The following SORCS1 variants were observed in gnomAD, a reference collection of about 807,000 sequenced individuals.
SORCS1 encodes the protein sortilin related VPS10 domain containing receptor 1.
In SORCS1, 60 loss-of-function variants were observed where a neutral mutation model predicts 146.1. The observed-to-expected ratio is 0.41, with a 90% CI of 0.33 to 0.51. SORCS1 has a LOEUF of 0.51. Among genes scored for constraint, SORCS1 ranks in the 20% least tolerant of loss-of-function variants. The probability of loss-of-function intolerance (pLI) is 0.21; values close to 1 mark genes in which losing one functional copy is unlikely to be tolerated. For missense variants in SORCS1, 1,352 were observed against 1,487.6 expected, an observed-to-expected ratio of 0.91 and a Z score of 1.50; for synonymous variants, 637 against 584.0, an observed-to-expected ratio of 1.09 and a Z score of -1.31.
At chr10:106,841,241 G>A (rs1433449810) in intron 2 of SORCS1, among the ~76,000 whole-genome samples, 4 of 152,122 alleles carry the variant, frequency 2.6e-5, no homozygotes, top group African/African-American at 9.7e-5. Context: ...AGGCTGAGGA[G>A]GGCAGATCAC....
At chr10:106,720,903 C>T (rs1183774575) in intron 6 of SORCS1, among the ~76,000 whole-genome samples, 2 of 151,934 alleles carry the variant, frequency 1.3e-5, no homozygotes, top group African/African-American at 4.8e-5. Context: ...CTGTCACTAT[C>T]AGGCTTTTCA....
At chr10:106,924,461 T>TTATC (rs570328127) in intron 2 of SORCS1, among the ~76,000 whole-genome samples, 8,196 of 125,624 alleles carry the variant, frequency 0.065, 259 homozygotes, top group Non-Finnish European at 0.086. Context: ...AATTCCACAG[T>TTATC]TATCGATCTA....
chr10:106,911,842 G>A (rs1316871756), intron 2 of SORCS1, among the ~76,000 whole-genome samples: 9 of 152,162 alleles, frequency 5.9e-5, no homozygotes, highest in Non-Finnish European at 1.2e-4. Flanking sequence ...ACTGGGTGTG[G>A]TGGCTCACGC....
chr10:107,084,092 G>GTTT (rs34590427), intron 1 of SORCS1, among the ~76,000 whole-genome samples: 21 of 113,772 alleles, frequency 1.8e-4, no homozygotes, highest in South Asian at 5.8e-4. Flanking sequence ...GTTGTTTTTT[G>GTTT]TTTTTTTTTT....
chr10:106,672,179 A>T (rs552705137), intron 15 of SORCS1, among the ~76,000 whole-genome samples: 9 of 152,320 alleles, frequency 5.9e-5, no homozygotes, highest in South Asian at 4.1e-4. Flanking sequence ...GGTTTGAGGT[A>T]TATGACGTTT....
intron 3 of SORCS1, among the ~76,000 whole-genome samples, chr10:106,801,814 G>A (rs1450352369): frequency 6.6e-6 from 1 of 152,136 alleles, no homozygotes; most frequent in Non-Finnish European, 1.5e-5. Flanking sequence ...ACAGGCGTGA[G>A]CCACCGTGCC....
chr10:106,617,627 C>T (rs1006503273), intron 21 of SORCS1, among the ~76,000 whole-genome samples: 1 of 152,106 alleles, frequency 6.6e-6, no homozygotes, highest in Non-Finnish European at 1.5e-5. Context: ...GCCATTTGTT[C>T]AAATATCCCG....
intron 2 of SORCS1, among the ~76,000 whole-genome samples, chr10:106,948,707 C>A (rs1317856288): frequency 2.0e-5 from 3 of 151,796 alleles, no homozygotes; most frequent in Admixed American, 2.0e-4. Flanking sequence ...CGCCTGTAAT[C>A]CCAGCACTTT....
At chr10:106,902,509 T>C (rs953553512) in intron 2 of SORCS1, among the ~76,000 whole-genome samples, 15 of 151,984 alleles carry the variant, frequency 9.9e-5, no homozygotes, top group Admixed American at 2.0e-4. Context: ...CATGAGAAAA[T>C]AATATAGAGA....
chr10:106,818,459 A>G (rs1347170695), intron 3 of SORCS1, among the ~76,000 whole-genome samples: 1 of 151,132 alleles, frequency 6.6e-6, no homozygotes, highest in African/African-American at 2.4e-5. Flanking sequence ...TCCACCTCCC[A>G]GGTTCAAGTG....
At chr10:106,840,140 C>T (rs1286109058) in intron 2 of SORCS1, among the ~76,000 whole-genome samples, 3 of 152,138 alleles carry the variant, frequency 2.0e-5, no homozygotes, top group African/African-American at 7.2e-5. Context: ...TGTAAGGCTA[C>T]AGCTTCCATA....
At chr10:106,900,420 A>G (rs1450832793) in intron 2 of SORCS1, among the ~76,000 whole-genome samples, 1 of 152,186 alleles carries the variant, frequency 6.6e-6, no homozygotes, top group Non-Finnish European at 1.5e-5. Context: ...CTCTAGTTGC[A>G]AGAGTCTCGC....
intron 18 of SORCS1, among the ~76,000 whole-genome samples, chr10:106,646,295 G>A (rs181437193): frequency 1.6e-3 from 247 of 152,166 alleles, no homozygotes; most frequent in African/African-American, 5.4e-3. Context: ...ATTATAAAGA[G>A]ATTTGTTGGT....
intron 21 of SORCS1, among the ~76,000 whole-genome samples, chr10:106,615,610 C>T (rs911578): frequency 0.98 from 148,411 of 152,114 alleles, 72,489 homozygotes; most frequent in East Asian, 1. Context: ...GGCCAGGAGT[C>T]TGAGACCAGC....
chr10:106,873,662 A>T (rs1374820881), intron 2 of SORCS1, among the ~76,000 whole-genome samples: 1 of 152,146 alleles, frequency 6.6e-6, no homozygotes, highest in African/African-American at 2.4e-5. Flanking sequence ...TATTTTTCAA[A>T]CTATATTTCT....
At chr10:107,163,241 G>A (rs957232501) in intron 1 of SORCS1, among the ~76,000 whole-genome samples, 2 of 152,180 alleles carry the variant, frequency 1.3e-5, no homozygotes, top group African/African-American at 4.8e-5. Context: ...AGGCAATGGG[G>A]GAGAACAGGG....
intron 17 of SORCS1, 38 bp downstream of exon 17, chr10:106,667,651 A>T: frequency 7.0e-7 from 1 of 1,435,254 alleles, no homozygotes; most frequent in Non-Finnish European, 9.8e-7. Flanking sequence ...AAAGGCAGCA[A>T]AGGTTGGCCT....
chr10:106,670,449 T>C (rs189248219), intron 16 of SORCS1, among the ~76,000 whole-genome samples: 2 of 152,346 alleles, frequency 1.3e-5, no homozygotes, highest in Admixed American at 1.3e-4. Flanking sequence ...TGCAATGCCA[T>C]TGAATCCATC....
chr10:107,165,292 A>AGTGTGTGTGTGTGTGTGTGTGTGTGTGT (rs3982278), upstream of SORCS1, among the ~76,000 whole-genome samples: 2 of 142,718 alleles, frequency 1.4e-5, no homozygotes, highest in African/African-American at 5.3e-5. This position sits in a 1 kb window ranked among gnomAD's most constrained non-coding sequence, Gnocchi z 4.0. Context: ...CTCGTGTGTG[A>AGTGTGTGTGTGTGTGTGTGTGTGTGTGT]GTGTGTGTGT....
Sources: allele counts gnomAD v4.1 joint callset (sites outside exome capture counted in the v4.1 genomes callset), GRCh38; gene constraint gnomAD v4.1.1; non-coding constraint Gnocchi (gnomAD v3.1); transcripts MANE v1.5; gene names NCBI Gene and HGNC (gene_info 2026-07-23, HGNC 2026-07-21).